SLC24A2: variants seen among roughly 807,000 people sequenced by gnomAD.
The protein encoded by SLC24A2 is sodium/potassium/calcium exchanger 2.
A neutral mutation model predicts 62.0 loss-of-function variants in SLC24A2; 36 were observed. The ratio of observed to expected loss-of-function variants is 0.58; its 90% CI spans 0.44 to 0.77. The LOEUF (loss-of-function observed/expected upper bound fraction) is 0.77, where lower values mean the gene tolerates loss of function less well. SLC24A2 is among the 30% of genes least tolerant of loss of function. SLC24A2 has a pLI of 0.00. For missense variants in SLC24A2, 846 were observed against 817.9 expected, an observed-to-expected ratio of 1.03 and a Z score of -0.42; for synonymous variants, 358 against 294.0, an observed-to-expected ratio of 1.22 and a Z score of -2.23.
chr9:20,293,504 G>C, the SLC24A2 span, among the ~76,000 whole-genome samples: 1 of 152,110 alleles, frequency 6.6e-6, no homozygotes, highest in African/African-American at 2.4e-5. Flanking sequence ...GGCCAAAAAA[G>C]CCCAGGGGCT....
In SLC24A2 at chr9:19,509,266, G is replaced by C. The variant is rs1049795074; in HGVS notation, c.*6887C>G. The stretch of plus-strand genomic sequence containing the variant: ...AACTGTAATAAGCTATTTTGAAAAC[G>C]AAGACTGCTTTTGTGAAATGAATAA... On this transcript the variant is annotated 3_prime_UTR_variant, in exon 11 of 11. Coordinates refer to ENST00000341998, the MANE Select transcript of SLC24A2 (RefSeq NM_020344.4). 1 of 152,030 alleles carries C rather than the reference G, an allele frequency of 6.6e-6. No individual in the cohort carries two copies. Among genetic ancestry groups the C allele is most frequent in the East Asian group, 1.9e-4 (1 of 5,194 alleles). The allele number at this position is 152,030 out of a possible 1,614,324, so 9.4% of individuals were successfully genotyped here. A position where few individuals can be genotyped will look rare whatever the true frequency, so the allele number is the denominator to read the frequency against.
intron 2 of SLC24A2, among the ~76,000 whole-genome samples, chr9:19,681,179 C>G (rs939213599): frequency 6.6e-6 from 1 of 152,042 alleles, no homozygotes; most frequent in Non-Finnish European, 1.5e-5. Context: ...CCTCACCTGC[C>G]TTGCTTATGT....
the SLC24A2 span, among the ~76,000 whole-genome samples, chr9:19,960,776 G>C: frequency 1.3e-5 from 2 of 152,146 alleles, no homozygotes; most frequent in African/African-American, 4.8e-5. Context: ...GTTTACTCCT[G>C]TGTAAAAAAT....
chr9:19,916,233 C>T, the SLC24A2 span, among the ~76,000 whole-genome samples: 1 of 152,106 alleles, frequency 6.6e-6, no homozygotes, highest in Admixed American at 6.5e-5. Context: ...TGGTTTATTT[C>T]TGGACACTCA....
chr9:19,654,835 C>T (rs150442677), intron 2 of SLC24A2, among the ~76,000 whole-genome samples: 5 of 152,262 alleles, frequency 3.3e-5, no homozygotes, highest in African/African-American at 7.2e-5. Context: ...ACAGGCTCTC[C>T]GTACTCACAC....
At chr9:19,541,495 G>T (rs1488825385) in intron 8 of SLC24A2, among the ~76,000 whole-genome samples, 2 of 149,318 alleles carry the variant, frequency 1.3e-5, no homozygotes, top group Admixed American at 1.3e-4. Flanking sequence ...CCTGCTGGGG[G>T]GTGCCTCCCA....
chr9:19,818,502 A>T, the SLC24A2 span, among the ~76,000 whole-genome samples: 3 of 152,180 alleles, frequency 2.0e-5, no homozygotes, highest in Admixed American at 6.6e-5. Flanking sequence ...GAATTCAGCA[A>T]AGTTTCTGGA....
chr9:19,683,068 CTG>C (rs1319635134), intron 2 of SLC24A2, among the ~76,000 whole-genome samples: 2 of 152,002 alleles, frequency 1.3e-5, no homozygotes, highest in Admixed American at 1.3e-4. Context: ...TAGCATAATG[CTG>C]ATGCAAAATT....
chr9:19,927,980 C>G, the SLC24A2 span: 982 of 152,536 alleles, frequency 6.4e-3, 12 homozygotes, highest in African/African-American at 0.022. Context: ...TGGCTGGGGG[C>G]CCCTGGGCCA....
At chr9:20,091,906 C>A in the SLC24A2 span, among the ~76,000 whole-genome samples, 1 of 152,276 alleles carries the variant, frequency 6.6e-6, no homozygotes, top group African/African-American at 2.4e-5. Context: ...GAATACTATG[C>A]AGCCATTAAA....
the SLC24A2 span, among the ~76,000 whole-genome samples, chr9:19,888,498 G>C: frequency 1.3e-5 from 2 of 152,016 alleles, no homozygotes; most frequent in Admixed American, 1.3e-4. Context: ...TCCCTATTTA[G>C]AGTGATTAAA....
At chr9:19,555,931 C>T (rs541064381) in intron 7 of SLC24A2, among the ~76,000 whole-genome samples, 5 of 152,208 alleles carry the variant, frequency 3.3e-5, no homozygotes, top group African/African-American at 1.2e-4. Context: ...GCAACACAGA[C>T]TCCATCTTGG....
the SLC24A2 span, among the ~76,000 whole-genome samples, chr9:20,050,580 A>G: frequency 6.6e-6 from 1 of 152,192 alleles, no homozygotes. Context: ...TGCTTTTTGA[A>G]CATCATATGA....
chr9:19,600,064 C>A (rs1352962897), intron 4 of SLC24A2, among the ~76,000 whole-genome samples: 1 of 152,154 alleles, frequency 6.6e-6, no homozygotes, highest in Non-Finnish European at 1.5e-5. Context: ...AAGCAAGAGG[C>A]AGCTAGGATT....
the SLC24A2 span, among the ~76,000 whole-genome samples, chr9:19,954,831 T>C: frequency 6.6e-6 from 1 of 152,088 alleles, no homozygotes; most frequent in Non-Finnish European, 1.5e-5. Flanking sequence ...CCCACATCTA[T>C]AAGAAGAGAA....
chr9:19,747,251 T>C (rs569911559), intron 2 of SLC24A2, among the ~76,000 whole-genome samples: 3 of 152,202 alleles, frequency 2.0e-5, no homozygotes, highest in South Asian at 4.1e-4. Flanking sequence ...TTCCTCACCA[T>C]CCTGAGTTTG....
chr9:19,687,743 AC>A (rs1252415572), intron 2 of SLC24A2, among the ~76,000 whole-genome samples: 2 of 152,076 alleles, frequency 1.3e-5, no homozygotes, highest in Non-Finnish European at 2.9e-5. Flanking sequence ...CCTACCAGTT[AC>A]TACTTTCAGC....
the SLC24A2 span, among the ~76,000 whole-genome samples, chr9:20,213,984 A>C: frequency 6.6e-6 from 1 of 152,086 alleles, no homozygotes; most frequent in South Asian, 2.1e-4. Context: ...TGACTGACTT[A>C]TTTCGCTTGT....
chr9:20,226,000 C>T, the SLC24A2 span, among the ~76,000 whole-genome samples: 2 of 151,994 alleles, frequency 1.3e-5, no homozygotes, highest in South Asian at 2.1e-4. Context: ...AAGGAGGAAA[C>T]GGGATCATAC....
Sources: allele counts gnomAD v4.1 joint callset (sites outside exome capture counted in the v4.1 genomes callset), GRCh38; gene constraint gnomAD v4.1.1; transcripts MANE v1.5; gene names NCBI Gene and HGNC (gene_info 2026-07-23, HGNC 2026-07-21).